The following SMYD5 variants were observed in gnomAD, a reference collection of about 807,000 sequenced individuals.
SMYD5 encodes the protein SMYD family member 5, also known as protein-lysine N-trimethyltransferase SMYD5.
A neutral mutation model predicts 57.4 loss-of-function variants in SMYD5; 35 were observed. The observed-to-expected ratio is 0.61, with a 90% CI of 0.47 to 0.81. The LOEUF (loss-of-function observed/expected upper bound fraction) is 0.81. SMYD5 is among the 30% of genes least tolerant of loss of function. SMYD5 has a pLI of 0.00. For missense variants in SMYD5, 471 were observed against 527.9 expected (o/e 0.89, Z 1.06); for synonymous variants, 198 against 189.7 (o/e 1.04, Z -0.36).
At chr2:73,222,612 T>C (rs1218538795) in intron 6 of SMYD5, 143 bp from the exon 7 acceptor site, 3 of 683,742 alleles carry the variant, frequency 4.4e-6, no homozygotes, top group Non-Finnish European at 2.5e-6. Context: ...AGGTAGACTC[T>C]GTGGCCTTCC....
In SMYD5 at chr2:73,222,688, G is replaced by A. The variant is rs1686418969; in HGVS notation, c.643-67G>A. 3 of 1,397,998 alleles carry A rather than the reference G, an allele frequency of 2.1e-6. No individual in the cohort carries two copies. In the African/African-American group the frequency reaches 4.2e-5, roughly 20 times the overall value. 86.6% of individuals were successfully genotyped at this position (1,397,998 alleles called of 1,614,324 possible). A position where few individuals can be genotyped will look rare whatever the true frequency, so the allele number is the denominator to read the frequency against. On this transcript the variant is annotated intron_variant, in intron 6 of 12. Transcript: ENST00000389501. Reference sequence around the variant, plus strand: ...TTTCCTTCCCTCCCCTAGTCGCCTGGGCCCTGCCTGGGTGCTAATGGGAAA... The same window carrying A: ...TTTCCTTCCCTCCCCTAGTCGCCTGAGCCCTGCCTGGGTGCTAATGGGAAA...
At chr2:73,221,007 A>G (rs1222462430) in intron 4 of SMYD5, among the ~76,000 whole-genome samples, 158 bp from the exon 5 acceptor site, 1 of 152,216 alleles carries the variant, frequency 6.6e-6, no homozygotes, top group Non-Finnish European at 1.5e-5. Flanking sequence ...CCATTAAGCC[A>G]ATAGGGATGC....
At chr2:73,216,880 T>C (rs1015818193) in intron 1 of SMYD5, among the ~76,000 whole-genome samples, 1 of 152,108 alleles carries the variant, frequency 6.6e-6, no homozygotes, top group East Asian at 1.9e-4. Flanking sequence ...GCACGATTTT[T>C]TCTTAAAACT....
chr2:73,225,048 C>A, intron 11 of SMYD5, 88 bp downstream of exon 11: 2 of 948,960 alleles, frequency 2.1e-6, no homozygotes, highest in Non-Finnish European at 3.3e-6. Context: ...GGCTAGAGCA[C>A]CTTGAAGTTC....
intron 1 of SMYD5, among the ~76,000 whole-genome samples, chr2:73,215,703 T>A (rs182153840): frequency 2.0e-5 from 3 of 152,294 alleles, no homozygotes; most frequent in African/African-American, 7.2e-5. Context: ...CTTCAGCCAC[T>A]CTCCTTGCAC....
intron 10 of SMYD5, 31 bp downstream of exon 10, chr2:73,224,034 C>G (rs765423030): frequency 6.2e-7 from 1 of 1,608,504 alleles, no homozygotes; most frequent in Non-Finnish European, 8.5e-7. Context: ...GGGATGGTCC[C>G]AGGCGCTTCT....
At chr2:73,220,973 T>C (rs1686380141) in intron 4 of SMYD5, among the ~76,000 whole-genome samples, 191 bp downstream of exon 4, 1 of 152,210 alleles carries the variant, frequency 6.6e-6, no homozygotes, top group Non-Finnish European at 1.5e-5. Flanking sequence ...GTCCTTAGCA[T>C]TTAACGCTCT....
chr2:73,219,071 G>A (rs1686339236), intron 2 of SMYD5, 102 bp downstream of exon 2: 1 of 810,952 alleles, frequency 1.2e-6, no homozygotes, highest in Non-Finnish European at 2.1e-6. Context: ...TCTGGGTGTT[G>A]GGAGGAAATG....
intron 1 of SMYD5, chr2:73,214,605 C>A (rs568816829): frequency 7.3e-6 from 11 of 1,506,690 alleles, no homozygotes; most frequent in Admixed American, 6.3e-5. Flanking sequence ...TCGGCCAGCC[C>A]GCGGGAGGCC....
rs1282857084 is a variant in SMYD5 at position 73,225,816 on chromosome 2, G to T, written c.1127G>T (p.Cys376Phe). 11 of 1,614,156 alleles carry T rather than the reference G, an allele frequency of 6.8e-6. No homozygotes were observed. Among genetic ancestry groups the T allele is most frequent in the Admixed American group, 1.7e-5 (1 of 60,022 alleles). The change falls in exon 13 of 13, where the codon TGT (cysteine) becomes TTT (phenylalanine). Residue 376 changes from cysteine (C) to phenylalanine (F), a missense_variant. Coordinates refer to ENST00000389501, the MANE Select transcript of SMYD5 (RefSeq NM_006062.3). ...TGCAGGGAGAACTATCTATTTGTCTGTTCCTGTCCCAAATGCCTGGCAGAG... is the reference window on the plus strand; with the variant it reads ...TGCAGGGAGAACTATCTATTTGTCTTTTCCTGTCCCAAATGCCTGGCAGAG... Reference protein sequence around the residue: ...KILRENYLFVCSCPKCLAEAD... With the variant: ...KILRENYLFVFSCPKCLAEAD...
At chr2:73,221,432 CTTT>C (rs57627686) in intron 5 of SMYD5, among the ~76,000 whole-genome samples, 198 bp downstream of exon 5, 6 of 128,464 alleles carry the variant, frequency 4.7e-5, no homozygotes, top group East Asian at 2.3e-4. Flanking sequence ...TGCCTGTAGT[CTTT>C]TTTTTTTTTT....
At chr2:73,223,211 A>G in intron 8 of SMYD5, 105 bp downstream of exon 8, 2 of 984,800 alleles carry the variant, frequency 2.0e-6, no homozygotes, top group Non-Finnish European at 3.3e-6. Context: ...GGGACTCTGG[A>G]CAGATCACTG....
chr2:73,220,570 C>T, intron 3 of SMYD5, 91 bp from the exon 4 acceptor site: 2 of 1,441,554 alleles, frequency 1.4e-6, no homozygotes, highest in South Asian at 2.3e-5. Flanking sequence ...ATCTGAGCTA[C>T]AGCTCAGGGG....
chr2:73,225,322 T>A, intron 11 of SMYD5: 1 of 508,246 alleles, frequency 2.0e-6, no homozygotes, highest in Non-Finnish European at 3.5e-6. Context: ...TTGAATCTTC[T>A]TGAGGGCAAG....
intron 6 of SMYD5, 73 bp downstream of exon 6, chr2:73,222,003 G>A: frequency 1.1e-6 from 1 of 949,998 alleles, no homozygotes; most frequent in Non-Finnish European, 1.7e-6. Context: ...GCTGTGGGGA[G>A]CACCACATTT....
At position 73,220,793 on chromosome 2, in the gene SMYD5, T is replaced by C; in HGVS notation, c.467+11T>C. The C allele has an allele frequency of 6.2e-7, 1 of 1,613,586 alleles. No homozygotes were observed. Among genetic ancestry groups the C allele is most frequent in the Non-Finnish European group, 8.5e-7 (1 of 1,179,916 alleles). On this transcript the variant is annotated intron_variant, in intron 4 of 12. Transcript: ENST00000389501. ...TCAGGAGGCATGGAGGTAGGTTTCTTTTCCTCTCTTCTTTCCTTTATCCTT... is the reference window on the plus strand; with the variant it reads ...TCAGGAGGCATGGAGGTAGGTTTCTCTTCCTCTCTTCTTTCCTTTATCCTT...
At position 73,221,102 on chromosome 2, in the gene SMYD5, G is replaced by T. The variant is rs995327509; in HGVS notation, c.468-63G>T. On this transcript the variant is annotated intron_variant, in intron 4 of 12. Transcript: ENST00000389501. ...GTTTTCTCTGTACCAGTCAGACTCG[G>T]CTTCCCTGAGCTCAGCTACTAGGGA... is the stretch of plus-strand genomic sequence containing the variant. The T allele has an allele frequency of 1.7e-5, 24 of 1,425,290 alleles. No individual in the cohort carries two copies. The Middle Eastern group carries it at 1.2e-3, about 73-fold the overall frequency. The allele number at this position is 1,425,290 out of a possible 1,614,324, so 88.3% of individuals were successfully genotyped here.
At position 73,217,647 on chromosome 2, in the gene SMYD5, G is replaced by A. The variant is rs181804830; in HGVS notation, c.97-1214G>A. On this transcript the variant is annotated intron_variant, in intron 1 of 12. Transcript: ENST00000389501. ...CTTCCAGAGTTGTTCACAGGGTTGA[G>A]ATTTTTCGCTCTGAATTTGAGAGGC... Among the ~76,000 whole-genome samples, 15 of 152,306 alleles carry A rather than the reference G, an allele frequency of 9.8e-5. No homozygotes were observed. The East Asian group carries it at 2.9e-3, about 29-fold the overall frequency.
At position 73,226,005 on chromosome 2, in the gene SMYD5, C is replaced by A; in HGVS notation, c.*59C>A. On this transcript the variant is annotated 3_prime_UTR_variant, in exon 13 of 13. Transcript: ENST00000389501. ...CCCTGCCAGAAAAGGGGGCTCTTCC[C>A]CCAGAGAAGTGGCTTGGAGGGAACT... The A allele has an allele frequency of 6.5e-7, 1 of 1,534,610 alleles. No homozygotes were observed. The highest frequency in any genetic ancestry group is 1.2e-5 in the South Asian group (1 of 80,556).
Sources: gnomAD v4.1 joint callset for allele counts (sites outside exome capture counted in the v4.1 genomes callset) on GRCh38, gnomAD v4.1.1 for gene constraint, MANE v1.5 for transcripts, NCBI Gene and HGNC (gene_info 2026-07-23, HGNC 2026-07-21) for gene names.